The following DYTN variants were observed in gnomAD, a reference collection of about 807,000 sequenced individuals.
DYTN encodes dystrotelin.
Under a neutral mutation model 69.6 loss-of-function variants are expected in DYTN, and 75 were observed. The observed-to-expected ratio is 1.08, with a 90% CI of 0.89 to 1.31. The LOEUF (loss-of-function observed/expected upper bound fraction) is 1.31. DYTN is among the 50% of genes most tolerant of loss of function. The probability of loss-of-function intolerance (pLI) is 0.00; values close to 1 mark genes in which losing one functional copy is unlikely to be tolerated. For synonymous variants in DYTN, 252 were observed against 249.1 expected, an observed-to-expected ratio of 1.01 and a Z score of -0.11; for missense variants, 726 against 688.4, an observed-to-expected ratio of 1.05 and a Z score of -0.61.
intron 11 of DYTN, among the ~76,000 whole-genome samples, chr2:206,659,256 C>T (rs532475053): frequency 1.3e-5 from 2 of 149,638 alleles, no homozygotes; most frequent in South Asian, 2.1e-4. Context: ...ACTGCAAGCT[C>T]CGCCTCCTGG....
At chr2:206,666,769 G>T (rs1039861618) in intron 9 of DYTN, among the ~76,000 whole-genome samples, 1 of 135,542 alleles carries the variant, frequency 7.4e-6, no homozygotes, top group South Asian at 2.6e-4. Flanking sequence ...GTGTGTGTGT[G>T]TTATCTTAGT....
At chr2:206,708,446 TAAA>T in intron 2 of DYTN, among the ~76,000 whole-genome samples, 1 of 152,314 alleles carries the variant, frequency 6.6e-6, no homozygotes, top group African/African-American at 2.4e-5. Context: ...GCAAGTATAA[TAAA>T]AATTTTTATT....
At chr2:206,666,791 C>T (rs948168405) in intron 9 of DYTN, among the ~76,000 whole-genome samples, 2 of 139,504 alleles carry the variant, frequency 1.4e-5, no homozygotes, top group African/African-American at 5.3e-5. Context: ...CTTTAGGAGG[C>T]CAAGTTGGGG....
At chr2:206,680,158 A>C (rs1699735154) in intron 9 of DYTN, among the ~76,000 whole-genome samples, 1 of 152,238 alleles carries the variant, frequency 6.6e-6, no homozygotes, top group Non-Finnish European at 1.5e-5. Flanking sequence ...GGGAGGCCTC[A>C]TAATCATGGC....
At chr2:206,654,565 G>C (rs1357449882) in intron 11 of DYTN, among the ~76,000 whole-genome samples, 1 of 152,176 alleles carries the variant, frequency 6.6e-6, no homozygotes, top group Non-Finnish European at 1.5e-5. Flanking sequence ...GCTATTGGTA[G>C]TTAAGTTTTA....
chr2:206,704,114 T>C (rs1700002579), intron 5 of DYTN, among the ~76,000 whole-genome samples: 2 of 152,238 alleles, frequency 1.3e-5, no homozygotes, highest in South Asian at 4.1e-4. Context: ...CTATGCATTC[T>C]TTAAGCATTT....
rs185044849 is a variant in DYTN at position 206,713,814 on chromosome 2, A to G, written c.20-3216T>C. 8.7e-4 allele frequency among the ~76,000 whole-genome samples: 132 copies of G among 152,352 alleles called. No individual in the cohort carries two copies. The Middle Eastern group carries it at 0.017, about 20-fold the overall frequency. ...CAAGCAAGCTCTGAAGCCAAGACTT[A>G]CTTGTATTTATGGTGCCCAGAGGAA... On this transcript the variant is annotated intron_variant, in intron 1 of 11. Coordinates refer to ENST00000452335, the MANE Select transcript of DYTN (RefSeq NM_001093730.1).
chr2:206,657,570 C>T (rs1303742590), intron 11 of DYTN, among the ~76,000 whole-genome samples: 5 of 152,088 alleles, frequency 3.3e-5, no homozygotes, highest in Non-Finnish European at 1.5e-5. Flanking sequence ...TTAAATACCA[C>T]TATTTTCATT....
rs1699885096 is a variant in DYTN, at chr2:206,693,292, A to T, written c.863T>A (p.Phe288Tyr). The change falls in exon 9 of 12, where the codon TTC becomes TAC. Residue 288 changes from phenylalanine (F) to tyrosine (Y), a missense_variant. By Grantham distance (22) the Phe-to-Tyr change is conservative. Coordinates refer to ENST00000452335, the MANE Select transcript of DYTN (RefSeq NM_001093730.1). The part of the protein sequence containing the change: ...MSAMQNTKLL[F>Y]RTLRNNLLQG... The stretch of plus-strand genomic sequence containing the variant: ...AAGAAGGTTGTTTCTGAGGGTCCTG[A>T]AGAGAAGTTTTGTATTCTGCATTGC... 1 of 1,613,186 alleles carries T rather than the reference A, an allele frequency of 6.2e-7. No homozygotes were observed. The highest frequency in any genetic ancestry group is 1.3e-5 in the African/African-American group (1 of 75,046).
rs1700012580 is a variant in DYTN at position 206,705,091 on chromosome 2, G to T, written c.383-148C>A. ...TTGATTATTGGCTAGCTATTATGAA[G>T]GCCTCCAAAACTATTTTGTTTTTAA... On this transcript the variant is annotated intron_variant, in intron 4 of 11. Transcript: ENST00000452335. The T allele has an allele frequency of 1.1e-5, 7 of 661,208 alleles. No individual in the cohort carries two copies. The East Asian group carries it at 1.4e-4, about 13-fold the overall frequency. The allele number at this position is 661,208 out of a possible 1,614,324, so 41.0% of individuals were successfully genotyped here.
chr2:206,716,345 A>C (rs1380592856), intron 1 of DYTN, among the ~76,000 whole-genome samples: 1 of 152,122 alleles, frequency 6.6e-6, no homozygotes, highest in African/African-American at 2.4e-5. Context: ...AGTAGTGAGA[A>C]CATGCCACAG....
chr2:206,694,921 A>AC, intron 7 of DYTN, 44 bp from the exon 8 acceptor site: 1 of 1,005,890 alleles, frequency 9.9e-7, no homozygotes. Flanking sequence ...CTAGTAGATG[A>AC]GAAAAAAAAA....
At chr2:206,678,291 A>C (rs1699714050) in intron 9 of DYTN, among the ~76,000 whole-genome samples, 1 of 152,218 alleles carries the variant, frequency 6.6e-6, no homozygotes, top group Non-Finnish European at 1.5e-5. Flanking sequence ...CAAAAATTAA[A>C]ACAAGGCGAT....
chr2:206,651,907 C>T lies in DYTN; in HGVS notation c.1648G>A (p.Val550Ile), dbSNP rs1699392421. Reference protein sequence around the residue: ...LETPSGPESSVNMDLYSGAQR... With the variant: ...LETPSGPESSINMDLYSGAQR... ...GCTCCACTGTACAGGTCCATGTTTA[C>T]TGAAGACTCCGGGCCTGAAATCAAC... Residue 550 changes from valine (V) to isoleucine (I), a missense_variant, in exon 12 of 12, where the codon GTA becomes ATA. Val to Ile is a conservative substitution (Grantham distance 29). Transcript: ENST00000452335. The T allele has an allele frequency of 3.1e-6, 5 of 1,612,876 alleles. No individual in the cohort carries two copies. In the East Asian group the frequency reaches 6.7e-5, roughly 22 times the overall value.
At chr2:206,663,574 ACT>A (rs1450885119) in intron 10 of DYTN, among the ~76,000 whole-genome samples, 179 bp from the exon 11 acceptor site, 1 of 152,126 alleles carries the variant, frequency 6.6e-6, no homozygotes, top group African/African-American at 2.4e-5. Context: ...TCAACCTAAA[ACT>A]CTCTACAAGA....
intron 11 of DYTN, among the ~76,000 whole-genome samples, chr2:206,653,427 C>A (rs1574583417): frequency 6.6e-6 from 1 of 152,116 alleles, no homozygotes; most frequent in East Asian, 1.9e-4. Flanking sequence ...TAGGCAGAGA[C>A]CTAATGAGAT....
intron 10 of DYTN, among the ~76,000 whole-genome samples, chr2:206,664,898 A>G (rs772917644): frequency 3.9e-5 from 6 of 152,188 alleles, no homozygotes; most frequent in Non-Finnish European, 7.3e-5. Flanking sequence ...CCAATGTATA[A>G]TGTTACACAA....
chr2:206,657,422 T>A (rs1019866930), intron 11 of DYTN, among the ~76,000 whole-genome samples: 31 of 152,338 alleles, frequency 2.0e-4, no homozygotes, highest in African/African-American at 7.2e-4. Context: ...GGATTACAGA[T>A]GTGAGCCACC....
chr2:206,717,079 A>ACACACACACACACACACACAC (rs1194032966), intron 1 of DYTN, among the ~76,000 whole-genome samples: 103 of 137,318 alleles, frequency 7.5e-4, no homozygotes, highest in South Asian at 2.1e-3. Flanking sequence ...CACACACACA[A>ACACACACACACACACACACAC]AACAAACTCA....
Sources: allele counts gnomAD v4.1 joint callset (sites outside exome capture counted in the v4.1 genomes callset), GRCh38; gene constraint gnomAD v4.1.1; transcripts MANE v1.5; gene names NCBI Gene and HGNC (gene_info 2026-07-23, HGNC 2026-07-21).